Variants in ODF2 observed in about 807,000 individuals in gnomAD.
ODF2 encodes the protein outer dense fiber of sperm tails 2.
ODF2 carries 47 observed loss-of-function variants against 110.2 expected under a neutral mutation model. The observed-to-expected ratio is 0.43, with a 90% CI of 0.34 to 0.54. ODF2 has a LOEUF of 0.54. Ranked by LOEUF, ODF2 falls within the 20% of genes least tolerant of loss-of-function variation. The pLI, the probability that ODF2 is intolerant of heterozygous loss-of-function variation, is 0.03. For synonymous variants in ODF2, 352 were observed against 397.7 expected, an observed-to-expected ratio of 0.89 and a Z score of 1.37; for missense variants, 812 against 1,054.5, an observed-to-expected ratio of 0.77 and a Z score of 3.19.
intron 18 of ODF2, chr9:128,498,155 A>G (rs1212223672): frequency 1.2e-5 from 4 of 332,836 alleles, no homozygotes; most frequent in Middle Eastern, 8.1e-4. Context: ...GTTCCATGTG[A>G]TGCTATCCAC....
intron 9 of ODF2, 46 bp downstream of exon 9, chr9:128,481,697 G>T: frequency 6.7e-7 from 1 of 1,500,926 alleles, no homozygotes; most frequent in South Asian, 1.1e-5. Context: ...CAGGTGGCAA[G>T]AGCGTCGTTC....
At chr9:128,460,222 C>T in intron 3 of ODF2, 1 of 1,318,954 alleles carries the variant, frequency 7.6e-7, no homozygotes, top group Non-Finnish European at 9.9e-7. Context: ...CAAGGAGGAG[C>T]TGTGCATTCC....
At chr9:128,497,031 A>G (rs572594115) in intron 18 of ODF2, among the ~76,000 whole-genome samples, 4 of 152,190 alleles carry the variant, frequency 2.6e-5, no homozygotes, top group South Asian at 2.1e-4. Flanking sequence ...CCTGGCTGAT[A>G]ATAATCTTTT....
chr9:128,483,986 C>T (rs747697058), exon 11 of ODF2: 8 of 1,613,670 alleles, frequency 5.0e-6, no homozygotes, highest in Non-Finnish European at 5.9e-6. Context: ...GGAGTCCATG[C>T]GTGGGCATTT....
At chr9:128,491,524 G>T (rs555693565) in intron 14 of ODF2, among the ~76,000 whole-genome samples, 1 of 151,844 alleles carries the variant, frequency 6.6e-6, no homozygotes, top group African/African-American at 2.4e-5. Flanking sequence ...CCGGAGTGGG[G>T]GTGGTGGTGT....
chr9:128,455,873 A>C, upstream of ODF2: 2 of 1,065,868 alleles, frequency 1.9e-6, no homozygotes, highest in African/African-American at 1.7e-5. Flanking sequence ...GGAATCCGGG[A>C]GGATCCAAGG....
chr9:128,460,782 G>T, intron 3 of ODF2, 116 bp downstream of exon 3: 3 of 1,524,194 alleles, frequency 2.0e-6, no homozygotes, highest in African/African-American at 2.7e-5. Context: ...TCTTTCGGAG[G>T]CCGGTTTCCT....
At position 128,494,856 on chromosome 9, in the gene ODF2, GTGAT is replaced by G. The variant is rs1228700770; in HGVS notation, c.1911+191_1911+194del. On this transcript the variant is annotated intron_variant, in intron 17 of 20. Transcript: ENST00000604420. This position sits in a 1 kb window ranked among gnomAD's most constrained non-coding sequence, Gnocchi z 4.6. ...GCCAAATGCCATGTGTTTGCACAAAGTGATTGTAGTTATAGGAGCCGTCACTTGC... is the reference window on the plus strand; with the variant it reads ...GCCAAATGCCATGTGTTTGCACAAAGTGTAGTTATAGGAGCCGTCACTTGC... 1.4e-6 allele frequency: 2 copies of G among 1,474,978 alleles called. No individual in the cohort carries two copies. Among genetic ancestry groups the G allele is most frequent in the Non-Finnish European group, 1.8e-6 (2 of 1,114,706 alleles). 91.4% of individuals were successfully genotyped at this position (1,474,978 alleles called of 1,614,324 possible). A position where few individuals can be genotyped will look rare whatever the true frequency, so the allele number is the denominator to read the frequency against.
At chr9:128,497,439 AAAAAAAAATATATATATAT>A (rs1439335512) in intron 18 of ODF2, 6 of 95,706 alleles carry the variant, frequency 6.3e-5, no homozygotes, top group African/African-American at 2.3e-4. Flanking sequence ...AAAAAAAAAA[AAAAAAAAATATATATATAT>A]ATATATATAT....
intron 14 of ODF2, 59 bp downstream of exon 14, chr9:128,488,084 G>C: frequency 2.5e-6 from 4 of 1,602,390 alleles, no homozygotes; most frequent in Non-Finnish European, 3.4e-6. Context: ...CTGATGAGGG[G>C]TCTTGTCTTA....
intron 18 of ODF2, among the ~76,000 whole-genome samples, chr9:128,496,731 T>TATCTATCTATC (rs577461160): frequency 0.049 from 7,440 of 152,048 alleles, 301 homozygotes; most frequent in East Asian, 0.16. Context: ...TCTATCTATC[T>TATCTATCTATC]ATCTATCTAT....
intron 3 of ODF2, chr9:128,460,635 A>C: frequency 6.2e-7 from 1 of 1,614,062 alleles, no homozygotes. Flanking sequence ...CACATAAAAA[A>C]ACTCCCGAAA....
rs1232708930 is a variant in ODF2 at position 128,496,035 on chromosome 9, T to C, written c.1912-6T>C. The C allele has an allele frequency of 6.2e-7, 1 of 1,613,564 alleles. No homozygotes were observed. On this transcript the variant is annotated splice_polypyrimidine_tract_variant and splice_region_variant and intron_variant, in intron 17 of 20. Coordinates refer to ENST00000604420, the Ensembl canonical transcript of ODF2. ...TGTAAACCAGTCTGTGTTCCTGTCATTTTAGATCGAACACCAGGGGGACAA... is the reference window on the plus strand; with the variant it reads ...TGTAAACCAGTCTGTGTTCCTGTCACTTTAGATCGAACACCAGGGGGACAA...
chr9:128,458,741 CT>C (rs1835625869), intron 2 of ODF2, among the ~76,000 whole-genome samples: 1 of 151,982 alleles, frequency 6.6e-6, no homozygotes, highest in South Asian at 2.1e-4. Flanking sequence ...GAACTAGATA[CT>C]TTTTTATTCT....
chr9:128,460,425 A>T, intron 3 of ODF2, 125 bp from the exon 3 acceptor site: 1 of 1,488,512 alleles, frequency 6.7e-7, no homozygotes, highest in South Asian at 1.3e-5. Context: ...AGTAGTTGGT[A>T]GCTGTCCTGC....
chr9:128,458,620 C>A (rs1835594366), intron 2 of ODF2, among the ~76,000 whole-genome samples: 1 of 142,298 alleles, frequency 7.0e-6, no homozygotes, highest in Non-Finnish European at 1.5e-5. Context: ...CTTTGCAGAT[C>A]TGGTGATGGA....
rs757837132 is a variant in ODF2, at chr9:128,472,806, T to A, written c.582-107T>A. 207 of 1,536,296 alleles carry A rather than the reference T, an allele frequency of 1.3e-4. 1 individual carries two copies. The highest frequency in any genetic ancestry group is 1.5e-4 in the Non-Finnish European group (174 of 1,133,840). ...GGGCTGTCCCTGCCCCCTCCCCTACTTTTCCCTGACCAGAGGTGAGCCCCC... is the reference window on the plus strand; with the variant it reads ...GGGCTGTCCCTGCCCCCTCCCCTACATTTCCCTGACCAGAGGTGAGCCCCC... On this transcript the variant is annotated intron_variant, in intron 6 of 20. Transcript: ENST00000604420.
At chr9:128,456,768 T>TCCCGCC in intron 1 of ODF2, 1 of 832,102 alleles carries the variant, frequency 1.2e-6, no homozygotes, top group Non-Finnish European at 1.4e-6. Context: ...CGGGGGGGGG[T>TCCCGCC]CCCGCCCGCC....
Position 128,473,746 on chromosome 9 carries a change from G to C in ODF2, c.843+5G>C. 1 of 1,612,240 alleles carries C rather than the reference G, an allele frequency of 6.2e-7. No homozygotes were observed. The highest frequency in any genetic ancestry group is 8.5e-7 in the Non-Finnish European group (1 of 1,179,326). On this transcript the variant is annotated splice_donor_5th_base_variant and intron_variant, in intron 8 of 20. Transcript: ENST00000604420. ...AGGGAACAGCACTGCAAAGAGGTGA[G>C]CTTGGGGCCTGGCTCTTTCCCTCCA...
Sources: allele counts gnomAD v4.1 joint callset (sites outside exome capture counted in the v4.1 genomes callset), GRCh38; gene constraint gnomAD v4.1.1; non-coding constraint Gnocchi (gnomAD v3.1); transcripts MANE v1.5; gene names NCBI Gene and HGNC (gene_info 2026-07-23, HGNC 2026-07-21).